The following IGF2BP3 variants were observed in gnomAD, a reference collection of about 807,000 sequenced individuals.
The protein encoded by IGF2BP3 is insulin-like growth factor 2 mRNA-binding protein 3.
In IGF2BP3, 9 loss-of-function variants were observed where a neutral mutation model predicts 73.8. That is an observed-to-expected ratio of 0.12 (90% CI 0.07 to 0.21). IGF2BP3 has a LOEUF of 0.21. Ranked by LOEUF, IGF2BP3 falls within the 10% of genes least tolerant of loss-of-function variation. The pLI is 1.00. For missense variants in IGF2BP3, 542 were observed against 714.0 expected (o/e 0.76, Z 2.75); for synonymous variants, 258 against 256.7 (o/e 1.01, Z -0.05).
chr7:23,460,959 AATAAATAAAAAACTAAG>A (rs1788437978), intron 2 of IGF2BP3, among the ~76,000 whole-genome samples: 3 of 152,186 alleles, frequency 2.0e-5, no homozygotes, highest in African/African-American at 7.2e-5. Flanking sequence ...CAAATAAATA[AATAAATAAAAAACTAAG>A]AAAGTGAACA....
At chr7:23,316,470 T>A (rs983794595) in intron 12 of IGF2BP3, among the ~76,000 whole-genome samples, 6 of 151,760 alleles carry the variant, frequency 4.0e-5, no homozygotes, top group African/African-American at 1.5e-4. Context: ...TCACTTGAGG[T>A]CAGGAGTTTG....
chr7:23,419,298 G>T (rs896943750), intron 2 of IGF2BP3, among the ~76,000 whole-genome samples: 1 of 152,144 alleles, frequency 6.6e-6, no homozygotes, highest in Non-Finnish European at 1.5e-5. Flanking sequence ...AATTTAACAC[G>T]TCCTTCAATT....
chr7:23,318,934 C>T (rs1005620334), intron 11 of IGF2BP3, among the ~76,000 whole-genome samples: 5 of 152,180 alleles, frequency 3.3e-5, no homozygotes, highest in South Asian at 2.1e-4. Flanking sequence ...ACACCCAGCC[C>T]GGATGTTCAC....
chr7:23,336,418 C>T (rs906790687), intron 10 of IGF2BP3, among the ~76,000 whole-genome samples: 4 of 152,110 alleles, frequency 2.6e-5, no homozygotes, highest in Admixed American at 2.0e-4. Flanking sequence ...GAGCAAAATG[C>T]CCGTCCATCT....
chr7:23,400,664 C>T (rs1786629573), intron 3 of IGF2BP3, among the ~76,000 whole-genome samples: 1 of 152,242 alleles, frequency 6.6e-6, no homozygotes, highest in South Asian at 2.1e-4. Context: ...ACTTCAAAAG[C>T]CACCTCATGA....
intron 3 of IGF2BP3, among the ~76,000 whole-genome samples, chr7:23,412,286 T>C (rs1787048987): frequency 6.6e-6 from 1 of 152,144 alleles, no homozygotes; most frequent in Non-Finnish European, 1.5e-5. Flanking sequence ...CCAGGCCTAC[T>C]TGTTTCTTCT....
At chr7:23,376,825 G>A (rs62468201) in intron 3 of IGF2BP3, among the ~76,000 whole-genome samples, 26,790 of 152,096 alleles carry the variant, frequency 0.18, 2,933 homozygotes, top group African/African-American at 0.31. Context: ...CAAGATCAGC[G>A]TGGGCAACAC....
At chr7:23,372,232 C>T (rs1042051071) in intron 3 of IGF2BP3, among the ~76,000 whole-genome samples, 3 of 151,938 alleles carry the variant, frequency 2.0e-5, no homozygotes, top group African/African-American at 7.3e-5. Flanking sequence ...GTGCCTCCAC[C>T]CCCGGCTGAT....
At chr7:23,339,572 C>T (rs1287096298) in intron 10 of IGF2BP3, among the ~76,000 whole-genome samples, 1 of 152,180 alleles carries the variant, frequency 6.6e-6, no homozygotes, top group African/African-American at 2.4e-5. Context: ...ATGTTCTATT[C>T]TGTGATCACT....
chr7:23,380,514 T>A (rs575674861), intron 3 of IGF2BP3, among the ~76,000 whole-genome samples: 1 of 152,126 alleles, frequency 6.6e-6, no homozygotes, highest in Admixed American at 6.6e-5. Flanking sequence ...CAATTTAATA[T>A]GGTTCAAGAC....
intron 10 of IGF2BP3, among the ~76,000 whole-genome samples, chr7:23,322,292 G>T (rs369177594): frequency 6.6e-6 from 1 of 152,324 alleles, no homozygotes; most frequent in South Asian, 2.1e-4. Context: ...CTCAGGAGCC[G>T]ATGTGATCAA....
intron 2 of IGF2BP3, among the ~76,000 whole-genome samples, chr7:23,450,034 A>C (rs1788161239): frequency 6.6e-6 from 1 of 152,240 alleles, no homozygotes; most frequent in Non-Finnish European, 1.5e-5. Flanking sequence ...CTGGTAGAGC[A>C]AAGGCAATGA....
intron 14 of IGF2BP3, 86 bp downstream of exon 14, chr7:23,312,649 T>TTC (rs1346690998): frequency 9.7e-7 from 1 of 1,030,380 alleles, no homozygotes; most frequent in East Asian, 2.5e-5. Context: ...CAAACAACCT[T>TTC]AACTAATTCT....
chr7:23,415,965 A>G (rs1787178298), intron 3 of IGF2BP3, among the ~76,000 whole-genome samples: 1 of 152,198 alleles, frequency 6.6e-6, no homozygotes, highest in South Asian at 2.1e-4. Flanking sequence ...TGTTCTTATT[A>G]TATCATAGCT....
chr7:23,423,173 T>C (rs1188108507), intron 2 of IGF2BP3, among the ~76,000 whole-genome samples: 1 of 152,248 alleles, frequency 6.6e-6, no homozygotes, highest in Non-Finnish European at 1.5e-5. Flanking sequence ...AACCCCGTGC[T>C]CTGCTCTTAT....
chr7:23,361,508 TAGATTAAA>T lies in IGF2BP3; in HGVS notation c.401+18_401+25del, dbSNP rs1562699509. The T allele has an allele frequency of 1.9e-6, 3 of 1,581,530 alleles. No individual in the cohort carries two copies. Among genetic ancestry groups the T allele is most frequent in the South Asian group, 2.2e-5 (2 of 90,000 alleles). On this transcript the variant is annotated intron_variant, in intron 5 of 14. Coordinates refer to ENST00000258729, the MANE Select transcript of IGF2BP3 (RefSeq NM_006547.3). ...CTGTACTTAACTTAGTTATTATATA[TAGATTAAA>T]AGCTTCAAGCTGCTTACTGTCTAGC...
intron 3 of IGF2BP3, among the ~76,000 whole-genome samples, chr7:23,378,702 TAGCTGGGACTAC>T (rs930582668): frequency 1.0e-4 from 15 of 150,402 alleles, no homozygotes; most frequent in Non-Finnish European, 2.1e-4. Context: ...GCCTCCCGAG[TAGCTGGGACTAC>T]AGGTGCACGC....
At chr7:23,415,870 G>A (rs1329868022) in intron 3 of IGF2BP3, among the ~76,000 whole-genome samples, 2 of 152,316 alleles carry the variant, frequency 1.3e-5, no homozygotes, top group South Asian at 2.1e-4. Context: ...TCTCCCTGGT[G>A]AAATACCGAG....
chr7:23,380,287 C>T (rs1785868160), intron 3 of IGF2BP3, among the ~76,000 whole-genome samples: 1 of 151,672 alleles, frequency 6.6e-6, no homozygotes, highest in Admixed American at 6.6e-5. Flanking sequence ...CCTCAGCCTC[C>T]CGAGTACTAG....
Sources: gnomAD v4.1 joint callset for allele counts (sites outside exome capture counted in the v4.1 genomes callset) on GRCh38, gnomAD v4.1.1 for gene constraint, MANE v1.5 for transcripts, NCBI Gene and HGNC (gene_info 2026-07-23, HGNC 2026-07-21) for gene names.